The following LRCH2 variants were observed in gnomAD, a reference collection of about 807,000 sequenced individuals.
LRCH2 encodes the protein leucine rich repeats and calponin homology domain containing 2, also known as leucine-rich repeat and calponin homology domain-containing protein 2.
LRCH2 carries 38 observed loss-of-function variants against 68.9 expected under a neutral mutation model. The observed-to-expected ratio is 0.55, with a 90% CI of 0.43 to 0.72. The LOEUF is 0.72. Ranked by LOEUF, LRCH2 falls within the 30% of genes least tolerant of loss-of-function variation. LRCH2 has a pLI of 0.00. For synonymous variants in LRCH2, 191 were observed against 208.1 expected (o/e 0.92, Z 0.71); for missense variants, 528 against 572.9 (o/e 0.92, Z 0.80).
chrX:115,127,995 T>C (rs1001966744), intron 15 of LRCH2, among the ~76,000 whole-genome samples: 19 of 111,770 alleles, frequency 1.7e-4, no homozygotes, highest in Middle Eastern at 4.6e-3. Flanking sequence ...ATTGCATCTG[T>C]GTTCTTTGAA....
At chrX:115,149,996 A>C (rs1569513432) in intron 13 of LRCH2, 26 bp downstream of exon 13, 3 of 1,157,365 alleles carry the variant, frequency 2.6e-6, no homozygotes, top group Non-Finnish European at 2.3e-6. Flanking sequence ...AATGATAGAT[A>C]TAATTGTAAT....
intron 1 of LRCH2, chrX:115,192,840 A>C: frequency 2.2e-6 from 1 of 448,507 alleles, no homozygotes; most frequent in Non-Finnish European, 3.9e-6. Context: ...GTTTCTTTCA[A>C]CAAGTTCTTG....
rs1455508535 is a variant in LRCH2 at position 115,189,668 on chromosome X, G to T, written c.350-1298C>A. The T allele has an allele frequency of 1.7e-6, 2 of 1,167,473 alleles. No individual in the cohort carries two copies. Among genetic ancestry groups the T allele is most frequent in the East Asian group, 6.5e-5 (2 of 30,692 alleles). ...GATATGAACGGCAAGTACCTGGATG[G>T]TAAGGCCATCATGGTGGCCCAGACC... On this transcript the variant is annotated intron_variant, in intron 1 of 20. Transcript: ENST00000317135.
At position 115,201,206 on chromosome X, in the gene LRCH2, C is replaced by G. The variant is rs938731818; in HGVS notation, c.350-12836G>C. On this transcript the variant is annotated intron_variant, in intron 1 of 20. Transcript: ENST00000317135. Reference sequence around the variant, plus strand: ...GTCACAAGAACAGCACAAGAAAGACCCACCCCCATGATTCAACCATCTCCC... The same window carrying G: ...GTCACAAGAACAGCACAAGAAAGACGCACCCCCATGATTCAACCATCTCCC... Among the ~76,000 whole-genome samples, 3 of 110,873 alleles carry G rather than the reference C, an allele frequency of 2.7e-5. No homozygotes were observed. The Admixed American group carries it at 2.9e-4, about 11-fold the overall frequency.
In LRCH2 at chrX:115,233,731, G is replaced by C. The variant is rs1431509504; in HGVS notation, c.311C>G (p.Pro104Arg). 1 of 1,179,431 alleles carries C rather than the reference G, an allele frequency of 8.5e-7. No homozygotes were observed. The highest frequency in any genetic ancestry group is 1.1e-6 in the Non-Finnish European group (1 of 878,254). Residue 104 changes from proline (P) to arginine (R), a missense_variant, in exon 1 of 21, where the codon CCG becomes CGG. Pro to Arg is a moderately radical substitution (Grantham distance 103). Transcript: ENST00000317135. ...SLSGRKLRDF[P>R]GSGYDLTDTT... ...GTCCGTCAGGTCGTAGCCGCTGCCC[G>C]GGAAGTCTCGGAGTTTCCGACCACT...
chrX:115,166,271 C>T lies in LRCH2; in HGVS notation c.1070G>A (p.Arg357Gln), dbSNP rs946236603. ...SGIGSDNGEK[R>Q]LSTTEPSDDD... ...AATACTCACTTCTGTTGTGGATAAT[C>T]GTTTCTCTCCATTATCACTTCCAAT... The change falls in exon 7 of 21, where the codon CGA (arginine) becomes CAA (glutamine). Residue 357 changes from arginine (R) to glutamine (Q), a missense_variant. Physicochemically the swap from Arg to Gln is conservative, Grantham distance 43. Transcript: ENST00000317135. 6 of 1,188,370 alleles carry T rather than the reference C, an allele frequency of 5.0e-6. No homozygotes were observed. The highest frequency in any genetic ancestry group is 6.8e-6 in the Non-Finnish European group (6 of 877,825).
chrX:115,113,479 C>A, intron 20 of LRCH2, 144 bp from the exon 21 acceptor site: 1 of 456,644 alleles, frequency 2.2e-6, no homozygotes, highest in Non-Finnish European at 3.4e-6. Flanking sequence ...ATATTGTAAT[C>A]TAAAATGTTT....
intron 3 of LRCH2, among the ~76,000 whole-genome samples, chrX:115,182,928 A>G (rs1556553210): frequency 9.1e-6 from 1 of 110,076 alleles, no homozygotes; most frequent in African/African-American, 3.3e-5. Flanking sequence ...GTCATTATCT[A>G]TATTTCTTCA....
chrX:115,152,427 CTG>C (rs2072439293), intron 12 of LRCH2, among the ~76,000 whole-genome samples: 1 of 111,769 alleles, frequency 8.9e-6, no homozygotes, highest in Non-Finnish European at 1.9e-5. Context: ...AAGGAAAAGA[CTG>C]AACATGTTAA....
rs1052141404 is a variant in LRCH2, at chrX:115,155,838, G to A, written c.1529+764C>T. Among the ~76,000 whole-genome samples the A allele has an allele frequency of 8.1e-5, 9 of 111,707 alleles. 1 individual carries two copies. Among genetic ancestry groups the A allele is most frequent in the Middle Eastern group, 4.7e-3 (1 of 215 alleles). On this transcript the variant is annotated intron_variant, in intron 12 of 20. Transcript: ENST00000317135. ...CTAAATGCAAATGGTGCCAGTGGGG[G>A]AATGTACAAGATGAAGCTCTCAGGG...
intron 2 of LRCH2, among the ~76,000 whole-genome samples, chrX:115,187,571 T>A (rs1556554904): frequency 1.8e-5 from 2 of 112,248 alleles, no homozygotes; most frequent in Non-Finnish European, 3.8e-5. Flanking sequence ...TTAACCCAAT[T>A]TCCTCATCTG....
rs782286546 is a variant in LRCH2 at position 115,188,134 on chromosome X, C to G, written c.494+92G>C. On this transcript the variant is annotated intron_variant, in intron 2 of 20. Transcript: ENST00000317135. The stretch of plus-strand genomic sequence containing the variant: ...AAGATACTGTTGAGATAAATTTAAG[C>G]TACACAGCCAAATCAAACATATTCC... 27 of 608,507 alleles carry G rather than the reference C, an allele frequency of 4.4e-5. No homozygotes were observed. In the South Asian group the frequency reaches 1.1e-3, roughly 25 times the overall value. The allele number at this position is 608,507 out of a possible 1,213,427, so 50.1% of individuals were successfully genotyped here.
chrX:115,213,965 A>G (rs1556570685), intron 1 of LRCH2, among the ~76,000 whole-genome samples: 1 of 112,355 alleles, frequency 8.9e-6, no homozygotes, highest in African/African-American at 3.2e-5. Context: ...TAATGTTCAT[A>G]AAGATAGAAA....
At chrX:115,125,481 A>G (rs1365810978) in intron 16 of LRCH2, among the ~76,000 whole-genome samples, 11 of 87 alleles carry the variant, frequency 0.13, 1 homozygote, top group Non-Finnish European at 0.2. Context: ...ATATATATAT[A>G]TATATATATA....
At chrX:115,173,444 G>C (rs1185882233) in intron 5 of LRCH2, among the ~76,000 whole-genome samples, 1 of 111,763 alleles carries the variant, frequency 8.9e-6, no homozygotes, top group African/African-American at 3.3e-5. Flanking sequence ...GTTGGGCTTA[G>C]GGCCACATGA....
chrX:115,204,823 C>T (rs1465046471), intron 1 of LRCH2, among the ~76,000 whole-genome samples: 1 of 111,525 alleles, frequency 9.0e-6, no homozygotes, highest in Non-Finnish European at 1.9e-5. Context: ...CCAAACTTTC[C>T]CATATATTCC....
chrX:115,167,710 T>C (rs1385813051), intron 6 of LRCH2, among the ~76,000 whole-genome samples: 1 of 111,891 alleles, frequency 8.9e-6, no homozygotes, highest in African/African-American at 3.2e-5. Flanking sequence ...ACATTTGCTG[T>C]TTATCATTTA....
At position 115,190,453 on chromosome X, in the gene LRCH2, G is replaced by A. The variant is rs370216499; in HGVS notation, c.350-2083C>T. On this transcript the variant is annotated intron_variant, in intron 1 of 20. Transcript: ENST00000317135. Reference sequence around the variant, plus strand: ...CGAGGAGTACCAGGGCAACTCGCCCGATGCCTGCAGTGAAGGCCGCTCGTC... The same window carrying A: ...CGAGGAGTACCAGGGCAACTCGCCCAATGCCTGCAGTGAAGGCCGCTCGTC... 2.0e-5 allele frequency: 23 copies of A among 1,165,797 alleles called. No individual in the cohort carries two copies. Among genetic ancestry groups the A allele is most frequent in the Admixed American group, 5.2e-5 (2 of 38,588 alleles).
chrX:115,204,486 A>G (rs1342957091), intron 1 of LRCH2, among the ~76,000 whole-genome samples: 3 of 111,380 alleles, frequency 2.7e-5, no homozygotes, highest in African/African-American at 9.7e-5. Context: ...CTTTTTAAAC[A>G]TAAGTTCCAA....
Sources: gnomAD v4.1 joint callset for allele counts (sites outside exome capture counted in the v4.1 genomes callset) on GRCh38, gnomAD v4.1.1 for gene constraint, MANE v1.5 for transcripts, NCBI Gene and HGNC (gene_info 2026-07-23, HGNC 2026-07-21) for gene names.